Variants in GALNTL6 observed in about 807,000 individuals in gnomAD.
The protein encoded by GALNTL6 is polypeptide N-acetylgalactosaminyltransferase like 6.
Under a neutral mutation model 73.7 loss-of-function variants are expected in GALNTL6, and 46 were observed. That is an observed-to-expected ratio of 0.62 (90% confidence interval 0.49 to 0.80). The LOEUF (loss-of-function observed/expected upper bound fraction) is 0.80, where lower values mean the gene tolerates loss of function less well. Ranked by LOEUF, GALNTL6 falls within the 30% of genes least tolerant of loss-of-function variation. GALNTL6 has a pLI of 0.00. For missense variants in GALNTL6, 604 were observed against 755.0 expected (o/e 0.80, Z 2.34); for synonymous variants, 259 against 263.7 (o/e 0.98, Z 0.17).
At chr4:172,848,762 C>T (rs896394312) in intron 7 of GALNTL6, among the ~76,000 whole-genome samples, 1 of 152,124 alleles carries the variant, frequency 6.6e-6, no homozygotes, top group Non-Finnish European at 1.5e-5. Context: ...GACTGCAAGG[C>T]AAAAGTTACT....
chr4:172,834,118 A>G (rs1260227791), intron 7 of GALNTL6, among the ~76,000 whole-genome samples: 1 of 152,200 alleles, frequency 6.6e-6, no homozygotes. Context: ...ACTCCATCTC[A>G]AAAACAATAA....
At chr4:171,862,143 T>C (rs1735845942) in intron 2 of GALNTL6, among the ~76,000 whole-genome samples, 1 of 152,186 alleles carries the variant, frequency 6.6e-6, no homozygotes, top group Non-Finnish European at 1.5e-5. Context: ...ACAAGTTCTA[T>C]ACTATGGCAA....
chr4:172,945,450 C>T (rs1296707170), intron 9 of GALNTL6, among the ~76,000 whole-genome samples: 2 of 152,120 alleles, frequency 1.3e-5, no homozygotes, highest in Non-Finnish European at 1.5e-5. Flanking sequence ...TCAACTATTC[C>T]TCGATAAAGC....
intron 8 of GALNTL6, among the ~76,000 whole-genome samples, chr4:172,907,568 G>A (rs1746966313): frequency 6.6e-6 from 1 of 152,186 alleles, no homozygotes; most frequent in African/African-American, 2.4e-5. Flanking sequence ...ACTTAATACA[G>A]TAGATCCCCC....
intron 5 of GALNTL6, among the ~76,000 whole-genome samples, chr4:172,568,584 G>A (rs1422674432): frequency 6.6e-6 from 1 of 151,298 alleles, no homozygotes; most frequent in East Asian, 1.9e-4. Context: ...GTGAAACCCC[G>A]TCTCTACTAA....
At chr4:172,625,393 T>C (rs1739127438) in intron 5 of GALNTL6, among the ~76,000 whole-genome samples, 1 of 152,104 alleles carries the variant, frequency 6.6e-6, no homozygotes, top group South Asian at 2.1e-4. Flanking sequence ...GGCTGTGTAG[T>C]ATTCCATGCT....
At chr4:172,018,815 T>A (rs897345686) in intron 2 of GALNTL6, among the ~76,000 whole-genome samples, 1 of 152,118 alleles carries the variant, frequency 6.6e-6, no homozygotes, top group Non-Finnish European at 1.5e-5. Flanking sequence ...CTGTGACCCC[T>A]ACTTAATTGT....
chr4:172,043,249 C>A (rs1002285541), intron 2 of GALNTL6, among the ~76,000 whole-genome samples: 2 of 151,908 alleles, frequency 1.3e-5, no homozygotes, highest in Non-Finnish European at 2.9e-5. Flanking sequence ...TCTCTTTATA[C>A]AGTATCTTCT....
intron 5 of GALNTL6, among the ~76,000 whole-genome samples, chr4:172,417,775 G>A (rs913370672): frequency 6.6e-6 from 1 of 152,126 alleles, no homozygotes; most frequent in African/African-American, 2.4e-5. Context: ...AGTATCAAGT[G>A]GAAACTTACC....
intron 3 of GALNTL6, among the ~76,000 whole-genome samples, chr4:172,264,570 ATATATATATATATATATATATATT>A (rs763419812): frequency 0.012 from 585 of 50,070 alleles, 9 homozygotes; most frequent in East Asian, 0.058. Context: ...ATATATATAT[ATATATATATATATATATATATATT>A]TGGCATATAT....
At chr4:172,243,346 T>C (rs1264372160) in intron 3 of GALNTL6, among the ~76,000 whole-genome samples, 2 of 152,314 alleles carry the variant, frequency 1.3e-5, no homozygotes, top group African/African-American at 4.8e-5. Flanking sequence ...CTCTGTCCTT[T>C]TACTCTGCTT....
intron 5 of GALNTL6, among the ~76,000 whole-genome samples, chr4:172,581,502 C>G (rs755429086): frequency 2.0e-5 from 3 of 152,232 alleles, no homozygotes; most frequent in Non-Finnish European, 4.4e-5. Context: ...AGGCCTTTCT[C>G]AATCCATCAG....
chr4:172,358,045 C>T (rs77529805), intron 5 of GALNTL6, among the ~76,000 whole-genome samples: 3,446 of 152,086 alleles, frequency 0.023, 123 homozygotes, highest in African/African-American at 0.077. Context: ...AAAAGATTTT[C>T]CTTTTATTTG....
At chr4:172,144,808 T>C (rs966724535) in intron 2 of GALNTL6, among the ~76,000 whole-genome samples, 13 of 152,344 alleles carry the variant, frequency 8.5e-5, no homozygotes, top group African/African-American at 3.1e-4. Flanking sequence ...GTTTTGCAAA[T>C]GCATACATGC....
At chr4:172,934,512 C>T (rs2610187) in intron 9 of GALNTL6, among the ~76,000 whole-genome samples, 2,945 of 152,210 alleles carry the variant, frequency 0.019, 96 homozygotes, top group African/African-American at 0.067. Flanking sequence ...TTGTCATTTC[C>T]CACAAAATGT....
At chr4:173,020,145 C>G (rs1014391658) in intron 11 of GALNTL6, among the ~76,000 whole-genome samples, 1 of 152,196 alleles carries the variant, frequency 6.6e-6, no homozygotes, top group African/African-American at 2.4e-5. Context: ...AGTCCATTTT[C>G]ACACTTAAGG....
At chr4:172,300,363 C>T (rs541457579) in intron 3 of GALNTL6, among the ~76,000 whole-genome samples, 27 of 152,184 alleles carry the variant, frequency 1.8e-4, no homozygotes, top group African/African-American at 5.8e-4. Context: ...GGATTTAGCC[C>T]ATTTACATTT....
intron 2 of GALNTL6, among the ~76,000 whole-genome samples, chr4:172,156,416 T>C (rs4467518): frequency 0.43 from 65,136 of 150,498 alleles, 14,812 homozygotes; most frequent in African/African-American, 0.56. Context: ...GATTTAAACA[T>C]TTTCTGCGTG....
chr4:172,229,810 T>C (rs1560980384), intron 3 of GALNTL6, 46 bp downstream of exon 3: 1 of 1,113,748 alleles, frequency 9.0e-7, no homozygotes, highest in Admixed American at 1.8e-5. Flanking sequence ...CTCGCAGCAG[T>C]GTCTCATTTG....
Sources: gnomAD v4.1 joint callset for allele counts (sites outside exome capture counted in the v4.1 genomes callset) on GRCh38, gnomAD v4.1.1 for gene constraint, MANE v1.5 for transcripts, NCBI Gene and HGNC (gene_info 2026-07-23, HGNC 2026-07-21) for gene names.